BRD1: variants seen among roughly 807,000 people sequenced by gnomAD.
BRD1 encodes the protein bromodomain containing 1, also known as bromodomain-containing protein 1.
A neutral mutation model predicts 107.7 loss-of-function variants in BRD1; 24 were observed. The ratio of observed to expected loss-of-function variants is 0.22; its 90% confidence interval spans 0.16 to 0.31. The LOEUF (loss-of-function observed/expected upper bound fraction) is 0.31, where lower values mean the gene tolerates loss of function less well. Among genes scored for constraint, BRD1 ranks in the 10% least tolerant of loss-of-function variants. The pLI, the probability that BRD1 is intolerant of heterozygous loss-of-function variation, is 1.00. For missense variants in BRD1, 1,279 were observed against 1,638.6 expected (o/e 0.78, Z 3.79); for synonymous variants, 744 against 686.1 (o/e 1.08, Z -1.32).
At chr22:49,797,740 G>A (rs1164949622) in intron 6 of BRD1, 65 bp downstream of exon 6, 2 of 1,492,504 alleles carry the variant, frequency 1.3e-6, no homozygotes, top group Admixed American at 2.1e-5. Context: ...TGGCAACACA[G>A]AGCAGGACAG....
chr22:49,794,058 G>A lies in BRD1; in HGVS notation c.2335C>T (p.Leu779=), dbSNP rs1429690905. The part of the protein sequence containing the change: ...LEGFEEDGAA[L]GPEAGEEGDK... ...CCTTCCTCGCCCGCCTCCGGCCCCA[G>A]CGCAGCTCCGTCCTCTTCGAAGCCT... Residue 779 remains leucine (L), a synonymous_variant, in exon 7 of 13, where the codon CTG becomes TTG. Transcript: ENST00000404760. 1 of 1,613,784 alleles carries A rather than the reference G, an allele frequency of 6.2e-7. No homozygotes were observed. The highest frequency in any genetic ancestry group is 8.5e-7 in the Non-Finnish European group (1 of 1,179,940).
In BRD1 at chr22:49,823,486, C is replaced by T. The variant is rs1413710890; in HGVS notation, c.832G>A (p.Gly278Ser). The change falls in exon 2 of 13, where the codon GGT (glycine) becomes AGT (serine). Residue 278 changes from glycine (G) to serine (S), a missense_variant. By Grantham distance (56) the Gly-to-Ser change is moderately conservative. Transcript: ENST00000404760. ...PADCVLCPNKGGAFKKTDDDR... is the reference protein window; with the variant it reads ...PADCVLCPNKSGAFKKTDDDR... Reference sequence around the variant, plus strand: ...TCATCTGTCTTTTTGAAGGCACCACCCTTGTTGGGGCACAGCACACAGTCG... The same window carrying T: ...TCATCTGTCTTTTTGAAGGCACCACTCTTGTTGGGGCACAGCACACAGTCG... The T allele has an allele frequency of 6.2e-7, 1 of 1,607,786 alleles. No homozygotes were observed. The highest frequency in any genetic ancestry group is 8.5e-7 in the Non-Finnish European group (1 of 1,178,458).
intron 6 of BRD1, among the ~76,000 whole-genome samples, chr22:49,794,956 C>G (rs1287226836): frequency 1.3e-5 from 2 of 152,098 alleles, no homozygotes; most frequent in Non-Finnish European, 2.9e-5. Context: ...AAAGAAACTG[C>G]TCCTCAGAGC....
At position 49,786,668 on chromosome 22, in the gene BRD1, T is replaced by C. The variant is rs113774899; in HGVS notation, c.2857+722A>G. 1.1e-3 allele frequency among the ~76,000 whole-genome samples: 167 copies of C among 152,254 alleles called. 1 individual carries two copies. The highest frequency in any genetic ancestry group is 3.8e-3 in the African/African-American group (158 of 41,548). On this transcript the variant is annotated intron_variant, in intron 8 of 12. Coordinates refer to ENST00000404760, the MANE Select transcript of BRD1 (RefSeq NM_001304808.3). ...GGCTCAACCCCAGGTCCTAGGTCTG[T>C]GGGGCTGCAAGGAGACCTGACTGAG...
Position 49,787,763 on chromosome 22 carries a change from G to C in BRD1, c.2484C>G (p.Phe828Leu), listed in dbSNP as rs1337113192. The part of the protein sequence containing the change: ...VELNPEQSKL[F>L]KRVTFDNESH... ...ATTCATTATCAAATGTGACTCTTTT[G>C]AAAAGTTTACTCTGCTCTGGGTTGA... is the stretch of plus-strand genomic sequence containing the variant. The change falls in exon 8 of 13, where the codon TTC becomes TTG. Residue 828 changes from phenylalanine (F) to leucine (L), a missense_variant. Coordinates refer to ENST00000404760, the MANE Select transcript of BRD1 (RefSeq NM_001304808.3). 1.3e-6 allele frequency: 2 copies of C among 1,550,910 alleles called. No homozygotes were observed. The highest frequency in any genetic ancestry group is 1.7e-6 in the Non-Finnish European group (2 of 1,147,082).
intron 11 of BRD1, 47 bp downstream of exon 11, chr22:49,776,001 CTG>C: frequency 6.5e-7 from 1 of 1,547,464 alleles, no homozygotes; most frequent in Non-Finnish European, 8.8e-7. Context: ...CGCCCCGCAG[CTG>C]TGTGAGCCTC....
intron 7 of BRD1, among the ~76,000 whole-genome samples, chr22:49,791,256 G>A (rs1055370015): frequency 7.2e-5 from 11 of 152,228 alleles, no homozygotes; most frequent in Admixed American, 1.3e-4. Flanking sequence ...TCGCGGCTAC[G>A]GCAGAGCCTG....
chr22:49,816,980 C>G (rs1346939012), intron 2 of BRD1, among the ~76,000 whole-genome samples: 1 of 152,246 alleles, frequency 6.6e-6, no homozygotes, highest in Non-Finnish European at 1.5e-5. Flanking sequence ...GGGAAGAGAA[C>G]TGCCGGACCC....
chr22:49,775,957 T>TGGACCACCGCCGTGAGCCTCCTC (rs1440226625), intron 11 of BRD1, 93 bp downstream of exon 11: 50 of 1,031,108 alleles, frequency 4.8e-5, no homozygotes, highest in Admixed American at 2.1e-4. Context: ...GGAACCTCCT[T>TGGACCACCGCCGTGAGCCTCCTC]GGACCACCGC....
At chr22:49,820,697 G>A (rs1307910061) in intron 2 of BRD1, 1 of 152,404 alleles carries the variant, frequency 6.6e-6, no homozygotes, top group Non-Finnish European at 1.5e-5. Flanking sequence ...CAGGGGTAGT[G>A]CCCAGGGCCT....
At chr22:49,827,047 T>A (rs1051027887) in intron 1 of BRD1, among the ~76,000 whole-genome samples, 1 of 151,686 alleles carries the variant, frequency 6.6e-6, no homozygotes, top group Non-Finnish European at 1.5e-5. Context: ...GGCGCGTCCC[T>A]GCTCACAGGG....
In BRD1 at chr22:49,798,979, C is replaced by A. The variant is rs758186172; in HGVS notation, c.1656+9G>T. 1 of 1,600,460 alleles carries A rather than the reference C, an allele frequency of 6.2e-7. No individual in the cohort carries two copies. The highest frequency in any genetic ancestry group is 2.2e-5 in the East Asian group (1 of 44,672). On this transcript the variant is annotated intron_variant, in intron 4 of 12. Transcript: ENST00000404760. ...TGGTGCACTCCACGCGGGACAGGCCCAGCCCCACCTGCTCACGCTTGAGCT... is the reference window on the plus strand; with the variant it reads ...TGGTGCACTCCACGCGGGACAGGCCAAGCCCCACCTGCTCACGCTTGAGCT...
chr22:49,789,718 C>T (rs919899868), intron 7 of BRD1, among the ~76,000 whole-genome samples: 8 of 152,310 alleles, frequency 5.3e-5, no homozygotes, highest in South Asian at 4.1e-4. Flanking sequence ...AGCTATCTAA[C>T]GGGCACCGTA....
At chr22:49,804,588 C>A (rs1352182576) in intron 2 of BRD1, among the ~76,000 whole-genome samples, 1 of 152,220 alleles carries the variant, frequency 6.6e-6, no homozygotes, top group Non-Finnish European at 1.5e-5. Flanking sequence ...GTGGCTCCTG[C>A]CTGTAATCCC....
rs2060160934 is a variant in BRD1 at position 49,827,665 on chromosome 22, C to T, written c.-183G>A. 6.9e-6 allele frequency among the ~76,000 whole-genome samples: 1 copy of T among 145,044 alleles called. No homozygotes were observed. Among genetic ancestry groups the T allele is most frequent in the Admixed American group, 6.8e-5 (1 of 14,648 alleles). On this transcript the variant is annotated 5_prime_UTR_variant, in exon 1 of 13. Coordinates refer to ENST00000404760, the MANE Select transcript of BRD1 (RefSeq NM_001304808.3). Reference sequence around the variant, plus strand: ...CTCTCGGCCGCGGCGGCTCCGGGCCCGGCAGCGGCGGCCGCGGACTCTCGG... The same window carrying T: ...CTCTCGGCCGCGGCGGCTCCGGGCCTGGCAGCGGCGGCCGCGGACTCTCGG...
chr22:49,789,489 C>T (rs2059390642), intron 7 of BRD1, among the ~76,000 whole-genome samples: 1 of 149,366 alleles, frequency 6.7e-6, no homozygotes, highest in African/African-American at 2.5e-5. Context: ...ACCTCCTAGC[C>T]TCCCCCCCCC....
Position 49,819,521 on chromosome 22 carries a change from C to T in BRD1, c.1367+3430G>A, listed in dbSNP as rs1488758246. On this transcript the variant is annotated intron_variant, in intron 2 of 12. Coordinates refer to ENST00000404760, the MANE Select transcript of BRD1 (RefSeq NM_001304808.3). ...TGAGCCATAACCATGCCACTGCACCCGTCTGAGCAGAAGAGCAGGACTCTG... is the reference window on the plus strand; with the variant it reads ...TGAGCCATAACCATGCCACTGCACCTGTCTGAGCAGAAGAGCAGGACTCTG... Among the ~76,000 whole-genome samples, 4 of 152,078 alleles carry T rather than the reference C, an allele frequency of 2.6e-5. No homozygotes were observed. In the South Asian group the frequency reaches 6.2e-4, roughly 24 times the overall value.
intron 8 of BRD1, among the ~76,000 whole-genome samples, chr22:49,779,656 C>G (rs2059165969): frequency 6.6e-6 from 1 of 152,170 alleles, no homozygotes. Flanking sequence ...TGGGGCTCCA[C>G]ATGCTCCCCA....
At chr22:49,809,589 C>A (rs377186612) in intron 2 of BRD1, among the ~76,000 whole-genome samples, 1 of 151,402 alleles carries the variant, frequency 6.6e-6, no homozygotes, top group African/African-American at 2.4e-5. Context: ...TTTTAAAATA[C>A]CACAGCAAGG....
Sources: allele counts gnomAD v4.1 joint callset (sites outside exome capture counted in the v4.1 genomes callset), GRCh38; gene constraint gnomAD v4.1.1; transcripts MANE v1.5; gene names NCBI Gene and HGNC (gene_info 2026-07-23, HGNC 2026-07-21).